The following UBE3A variants were observed in gnomAD, a reference collection of about 807,000 sequenced individuals.
UBE3A encodes the protein ubiquitin-protein ligase E3A.
A neutral mutation model predicts 83.4 loss-of-function variants in UBE3A; 6 were observed. That is an observed-to-expected ratio of 0.07 (90% CI 0.04 to 0.14). The LOEUF is 0.14. Among genes scored for constraint, UBE3A ranks in the 10% least tolerant of loss-of-function variants. The pLI is 1.00. For synonymous variants in UBE3A, 337 were observed against 355.4 expected, an observed-to-expected ratio of 0.95 and a Z score of 0.58; for missense variants, 456 against 1,036.1, an observed-to-expected ratio of 0.44 and a Z score of 7.69.
At chr15:25,427,204 T>C (rs1046474402) in intron 1 of UBE3A, among the ~76,000 whole-genome samples, 1 of 152,098 alleles carries the variant, frequency 6.6e-6, no homozygotes, top group Non-Finnish European at 1.5e-5. Flanking sequence ...CATTTACTGT[T>C]CTCAAAATAA....
rs779610336 is a variant in UBE3A at position 25,338,024 on chromosome 15, A to C, written c.*1113T>G. 5 of 152,130 alleles carry C rather than the reference A, an allele frequency of 3.3e-5. No homozygotes were observed. Among genetic ancestry groups the C allele is most frequent in the Admixed American group, 6.5e-5 (1 of 15,274 alleles). The allele number at this position is 152,130 out of a possible 1,614,324, so 9.4% of individuals were successfully genotyped here. A position where few individuals can be genotyped will look rare whatever the true frequency, so the allele number is the denominator to read the frequency against. ...ATTCATTTCCAGGTCAGCTTACTGT[A>C]TGATTAAGTAACACAAGGCACAGTA... is the stretch of plus-strand genomic sequence containing the variant. On this transcript the variant is annotated 3_prime_UTR_variant, in exon 13 of 13. Coordinates refer to ENST00000648336, the MANE Select transcript of UBE3A (RefSeq NM_130839.5).
intron 1 of UBE3A, among the ~76,000 whole-genome samples, chr15:25,413,220 C>T (rs2090312716): frequency 1.3e-5 from 2 of 152,106 alleles, no homozygotes; most frequent in South Asian, 4.1e-4. Flanking sequence ...CAACAGAGGG[C>T]TCAGTCTAAT....
intron 11 of UBE3A, among the ~76,000 whole-genome samples, chr15:25,348,847 T>C (rs530629337): frequency 5.9e-4 from 90 of 152,312 alleles, no homozygotes; most frequent in African/African-American, 2.1e-3. Flanking sequence ...TGTTCAAGGA[T>C]TGGAAGAATA....
chr15:25,345,534 T>A lies in UBE3A; in HGVS notation c.2355-5306A>T, dbSNP rs373594965. On this transcript the variant is annotated intron_variant, in intron 11 of 12. Coordinates refer to ENST00000648336, the MANE Select transcript of UBE3A (RefSeq NM_130839.5). ...GAAAAAAGTTATCCTGGCCCATCTC[T>A]CCCTCGTCCAAGTATGAGAAACTCA... The A allele has an allele frequency of 2.0e-5, 3 of 151,062 alleles. No individual in the cohort carries two copies. In the East Asian group the frequency reaches 5.8e-4, roughly 29 times the overall value. 9.4% of individuals were successfully genotyped at this position (151,062 alleles called of 1,614,324 possible). A position where few individuals can be genotyped will look rare whatever the true frequency, so the allele number is the denominator to read the frequency against.
intron 9 of UBE3A, 111 bp downstream of exon 9, chr15:25,355,774 TTAGTTAC>T: frequency 9.6e-7 from 1 of 1,038,930 alleles, no homozygotes; most frequent in East Asian, 2.6e-5. Context: ...TTACATAAAC[TTAGTTAC>T]TTGTTTTTTT....
At chr15:25,425,059 A>G (rs1266206113) in intron 1 of UBE3A, among the ~76,000 whole-genome samples, 2 of 152,144 alleles carry the variant, frequency 1.3e-5, no homozygotes, top group Admixed American at 6.5e-5. Context: ...CAATTTTGAA[A>G]AAGAATAAGT....
chr15:25,435,519 C>T (rs961118871), intron 1 of UBE3A, among the ~76,000 whole-genome samples: 10 of 152,106 alleles, frequency 6.6e-5, no homozygotes, highest in Admixed American at 5.2e-4. Context: ...GAAGCTTTGC[C>T]ATCATTAATG....
intron 6 of UBE3A, among the ~76,000 whole-genome samples, chr15:25,361,829 T>G (rs1566918401): frequency 6.6e-6 from 1 of 152,196 alleles, no homozygotes; most frequent in South Asian, 2.1e-4. Context: ...AACAGAATTT[T>G]AAAAATGGTT....
At chr15:25,346,990 G>C (rs573490886) in intron 11 of UBE3A, 1 of 152,308 alleles carries the variant, frequency 6.6e-6, no homozygotes, top group Non-Finnish European at 1.5e-5. Context: ...AAGAAGCTGA[G>C]CGAACCCCAA....
At chr15:25,364,165 C>A (rs2078635591) in intron 6 of UBE3A, among the ~76,000 whole-genome samples, 1 of 151,912 alleles carries the variant, frequency 6.6e-6, no homozygotes, top group African/African-American at 2.4e-5. Context: ...AGAGATCGTG[C>A]CACTGTACTC....
intron 4 of UBE3A, among the ~76,000 whole-genome samples, chr15:25,394,770 C>A (rs1343528240): frequency 1.3e-5 from 2 of 152,182 alleles, no homozygotes; most frequent in Non-Finnish European, 2.9e-5. Context: ...ATTCTTCCTA[C>A]ATTTCTGCAA....
At chr15:25,422,225 G>T (rs2153158273) in intron 1 of UBE3A, among the ~76,000 whole-genome samples, 1 of 152,290 alleles carries the variant, frequency 6.6e-6, no homozygotes, top group Middle Eastern at 3.4e-3. Context: ...CAATTCTAGA[G>T]TAGGAAAACT....
At chr15:25,416,891 A>C (rs911307562) in intron 1 of UBE3A, among the ~76,000 whole-genome samples, 4 of 152,112 alleles carry the variant, frequency 2.6e-5, no homozygotes, top group Non-Finnish European at 5.9e-5. Context: ...CCTGCAGTCA[A>C]TGGAGGGGAA....
chr15:25,382,423 A>G (rs1444437490), intron 4 of UBE3A, among the ~76,000 whole-genome samples: 1 of 152,018 alleles, frequency 6.6e-6, no homozygotes, highest in African/African-American at 2.4e-5. Context: ...TTGTAGAACT[A>G]AATATTTACA....
At chr15:25,435,082 T>C (rs1010783603) in intron 1 of UBE3A, among the ~76,000 whole-genome samples, 1 of 148,630 alleles carries the variant, frequency 6.7e-6, no homozygotes, top group South Asian at 2.1e-4. Flanking sequence ...AATGAAGTAA[T>C]GCATGTGCCA....
At chr15:25,429,870 T>C (rs1236695093) in intron 1 of UBE3A, among the ~76,000 whole-genome samples, 1 of 149,364 alleles carries the variant, frequency 6.7e-6, no homozygotes, top group Non-Finnish European at 1.5e-5. Context: ...CCGGGCGTGG[T>C]AGTGCACACC....
At chr15:25,350,299 T>TA (rs34610959) in intron 11 of UBE3A, among the ~76,000 whole-genome samples, 18,039 of 142,782 alleles carry the variant, frequency 0.13, 1,135 homozygotes, top group Middle Eastern at 0.24. Flanking sequence ...TTTGTCTCTT[T>TA]AAAAAAAAAA....
chr15:25,363,354 T>C (rs1329657149), intron 6 of UBE3A, among the ~76,000 whole-genome samples: 1 of 152,244 alleles, frequency 6.6e-6, no homozygotes, highest in African/African-American at 2.4e-5. Flanking sequence ...GTTGCTGTTA[T>C]TTTATTGGTT....
intron 4 of UBE3A, among the ~76,000 whole-genome samples, chr15:25,395,169 G>C (rs567918905): frequency 5.9e-4 from 90 of 152,284 alleles, no homozygotes; most frequent in African/African-American, 2.1e-3. Context: ...ATTTTAGACA[G>C]AGATGAGCAA....
Sources: gnomAD v4.1 joint callset for allele counts (sites outside exome capture counted in the v4.1 genomes callset) on GRCh38, gnomAD v4.1.1 for gene constraint, MANE v1.5 for transcripts, NCBI Gene and HGNC (gene_info 2026-07-23, HGNC 2026-07-21) for gene names.